The following PTPRD variants were observed in gnomAD, a reference collection of about 807,000 sequenced individuals.
PTPRD encodes the protein protein tyrosine phosphatase receptor type D, also known as receptor-type tyrosine-protein phosphatase delta.
Under a neutral mutation model 214.5 loss-of-function variants are expected in PTPRD, and 34 were observed. That is an observed-to-expected ratio of 0.16 (90% CI 0.12 to 0.21). The LOEUF is 0.21. Among genes scored for constraint, PTPRD ranks in the 10% least tolerant of loss-of-function variants. PTPRD has a pLI of 1.00. For missense variants in PTPRD, 2,545 were observed against 2,398.7 expected (o/e 1.06, Z -1.27); for synonymous variants, 1,128 against 845.7 (o/e 1.33, Z -5.79).
At chr9:10,134,164 A>T (rs2098924591) in intron 3 of PTPRD, among the ~76,000 whole-genome samples, 1 of 152,056 alleles carries the variant, frequency 6.6e-6, no homozygotes, top group African/African-American at 2.4e-5. Context: ...CCACCCACAG[A>T]CATATACCAC....
At chr9:9,115,073 C>T (rs890785694) in intron 10 of PTPRD, among the ~76,000 whole-genome samples, 1 of 152,190 alleles carries the variant, frequency 6.6e-6, no homozygotes, top group African/African-American at 2.4e-5. Context: ...AGAAAGATCA[C>T]TTTACTTACA....
intron 6 of PTPRD, among the ~76,000 whole-genome samples, chr9:9,738,603 G>C (rs369166489): frequency 1.3e-5 from 2 of 151,508 alleles, no homozygotes; most frequent in Non-Finnish European, 2.9e-5. Context: ...CATCACGCCT[G>C]ACTAATTTTT....
chr9:9,190,152 G>C (rs936810282), intron 9 of PTPRD, among the ~76,000 whole-genome samples: 1 of 152,050 alleles, frequency 6.6e-6, no homozygotes, highest in Non-Finnish European at 1.5e-5. Context: ...GAGGTGATTA[G>C]GTCATGAGGG....
rs149749591 is a variant in PTPRD, at chr9:10,122,243, G to C, written c.-544-88453C>G. Among the ~76,000 whole-genome samples the C allele has an allele frequency of 4.1e-3, 631 of 152,272 alleles. 7 individuals carry two copies. Among genetic ancestry groups the C allele is most frequent in the African/African-American group, 8.8e-3 (367 of 41,558 alleles). The stretch of plus-strand genomic sequence containing the variant: ...GAATCACTTGAACCTGGGAGGTGGA[G>C]GCTGCAGTGAGCTGAGATTGTGTCA... On this transcript the variant is annotated intron_variant, in intron 3 of 45. Coordinates refer to ENST00000381196, the MANE Select transcript of PTPRD (RefSeq NM_002839.4).
At chr9:8,428,382 T>A (rs1316341741) in intron 35 of PTPRD, among the ~76,000 whole-genome samples, 1 of 152,226 alleles carries the variant, frequency 6.6e-6, no homozygotes, top group Admixed American at 6.5e-5. Context: ...TACAAAAATG[T>A]TGTTACTGCT....
intron 2 of PTPRD, among the ~76,000 whole-genome samples, chr9:10,533,767 A>T (rs766196504): frequency 6.6e-6 from 1 of 152,014 alleles, no homozygotes; most frequent in East Asian, 1.9e-4. Flanking sequence ...ATAATAAATT[A>T]AAAACTTTTC....
intron 5 of PTPRD, among the ~76,000 whole-genome samples, chr9:9,833,220 C>T (rs1372738408): frequency 2.0e-5 from 3 of 152,056 alleles, no homozygotes; most frequent in Non-Finnish European, 2.9e-5. Flanking sequence ...TCCAAAGCGT[C>T]GACTGGCTTG....
chr9:8,967,132 T>C (rs1376651791), intron 11 of PTPRD, among the ~76,000 whole-genome samples: 2 of 139,170 alleles, frequency 1.4e-5, no homozygotes, highest in Non-Finnish European at 3.2e-5. Context: ...ATTATTAAAG[T>C]AAAAAAAAAA....
At chr9:9,327,224 AAAC>A (rs751749537) in intron 9 of PTPRD, among the ~76,000 whole-genome samples, 20 of 152,274 alleles carry the variant, frequency 1.3e-4, no homozygotes, top group East Asian at 1.2e-3. Flanking sequence ...TCCCATATGT[AAAC>A]AACAAGAATG....
At chr9:8,496,808 T>C (rs2097284411) in intron 26 of PTPRD, among the ~76,000 whole-genome samples, 1 of 152,218 alleles carries the variant, frequency 6.6e-6, no homozygotes, top group African/African-American at 2.4e-5. Flanking sequence ...CAACACAAAC[T>C]TGTAAACTTT....
intron 8 of PTPRD, among the ~76,000 whole-genome samples, chr9:9,474,203 T>C (rs967619019): frequency 6.6e-6 from 1 of 152,214 alleles, no homozygotes; most frequent in Middle Eastern, 3.4e-3. Flanking sequence ...GCACCATTTA[T>C]TGAAGATTGT....
chr9:8,535,319 A>G (rs1477233669), intron 14 of PTPRD, among the ~76,000 whole-genome samples: 1 of 151,936 alleles, frequency 6.6e-6, no homozygotes, highest in Non-Finnish European at 1.5e-5. Context: ...CATAAAAAAC[A>G]GGGGTTATCT....
chr9:9,730,774 T>C (rs183028846), intron 7 of PTPRD, among the ~76,000 whole-genome samples: 1 of 152,238 alleles, frequency 6.6e-6, no homozygotes, highest in East Asian at 1.9e-4. Context: ...CTCTGACCAT[T>C]AGTCTCATCT....
At chr9:9,456,324 G>C (rs973810809) in intron 8 of PTPRD, among the ~76,000 whole-genome samples, 1 of 151,612 alleles carries the variant, frequency 6.6e-6, no homozygotes, top group Non-Finnish European at 1.5e-5. Context: ...AATGCTTCCA[G>C]GTATTGATTA....
chr9:9,757,678 C>T (rs571440117), intron 6 of PTPRD, among the ~76,000 whole-genome samples: 14 of 152,198 alleles, frequency 9.2e-5, no homozygotes, highest in African/African-American at 3.4e-4. Flanking sequence ...TTAGCTAAAA[C>T]TCAGTTTGCC....
intron 11 of PTPRD, among the ~76,000 whole-genome samples, chr9:8,744,122 T>TCGAAACATCGAAAAATAATCGAAA (rs2092481062): frequency 6.6e-6 from 1 of 151,990 alleles, no homozygotes; most frequent in Non-Finnish European, 1.5e-5. Context: ...GCAACAATGG[T>TCGAAACATCGAAAAATAATCGAAA]CATAATCGAA....
At position 10,445,236 on chromosome 9, in the gene PTPRD, T is replaced by C. The variant is rs1326646403; in HGVS notation, c.-599-104219A>G. On this transcript the variant is annotated intron_variant, in intron 2 of 45. Coordinates refer to ENST00000381196, the MANE Select transcript of PTPRD (RefSeq NM_002839.4). ...AGCTAAGCCCACAAAGATCAAATTATAGCCAGATCACAGAAGGTCTTGTCA... is the reference window on the plus strand; with the variant it reads ...AGCTAAGCCCACAAAGATCAAATTACAGCCAGATCACAGAAGGTCTTGTCA... Among the ~76,000 whole-genome samples the C allele has an allele frequency of 2.6e-5, 4 of 152,192 alleles. No individual in the cohort carries two copies. The South Asian group carries it at 6.2e-4, about 24-fold the overall frequency.
At chr9:9,330,511 T>C (rs2136499058) in intron 9 of PTPRD, among the ~76,000 whole-genome samples, 1 of 152,252 alleles carries the variant, frequency 6.6e-6, no homozygotes. Context: ...AAAAAACTTG[T>C]ATTTAATGTG....
intron 10 of PTPRD, among the ~76,000 whole-genome samples, chr9:9,060,193 T>C (rs1223800967): frequency 6.6e-6 from 1 of 152,128 alleles, no homozygotes; most frequent in East Asian, 1.9e-4. Context: ...CTGACATTGG[T>C]TTACGCATAG....
Sources: allele counts gnomAD v4.1 joint callset (sites outside exome capture counted in the v4.1 genomes callset), GRCh38; gene constraint gnomAD v4.1.1; transcripts MANE v1.5; gene names NCBI Gene and HGNC (gene_info 2026-07-23, HGNC 2026-07-21).